Variants in CNOT2 observed in about 807,000 individuals in gnomAD.
The protein encoded by CNOT2 is CCR4-NOT transcription complex subunit 2.
Under a neutral mutation model 72.1 loss-of-function variants are expected in CNOT2, and 7 were observed. The observed-to-expected ratio is 0.10, with a 90% CI of 0.06 to 0.18. The LOEUF is 0.18. Among genes scored for constraint, CNOT2 ranks in the 10% least tolerant of loss-of-function variants. The pLI, the probability that CNOT2 is intolerant of heterozygous loss-of-function variation, is 1.00. For missense variants in CNOT2, 345 were observed against 660.3 expected, an observed-to-expected ratio of 0.52 and a Z score of 5.23; for synonymous variants, 196 against 225.6, an observed-to-expected ratio of 0.87 and a Z score of 1.17.
intron 4 of CNOT2, among the ~76,000 whole-genome samples, chr12:70,328,964 G>A (rs1207400289): frequency 6.6e-6 from 1 of 151,820 alleles, no homozygotes; most frequent in Non-Finnish European, 1.5e-5. Flanking sequence ...TAATTTTAAA[G>A]GATCACATAA....
intron 15 of CNOT2, among the ~76,000 whole-genome samples, chr12:70,348,880 G>C (rs577731282): frequency 1.1e-4 from 17 of 151,534 alleles, no homozygotes; most frequent in Non-Finnish European, 2.1e-4. Flanking sequence ...ACATAATTTA[G>C]CTCAGTTTTA....
At chr12:70,276,148 A>G (rs1868754118) in intron 1 of CNOT2, among the ~76,000 whole-genome samples, 1 of 152,008 alleles carries the variant, frequency 6.6e-6, no homozygotes, top group African/African-American at 2.4e-5. Context: ...CTTCAAAGTG[A>G]ACTTGTATCT....
intron 15 of CNOT2, chr12:70,346,725 A>G (rs1882217625): frequency 6.5e-6 from 1 of 153,698 alleles, no homozygotes; most frequent in African/African-American, 2.4e-5. Context: ...GTTGCAGGAA[A>G]TACATCTGAA....
At chr12:70,335,337 G>A (rs561007259) in intron 7 of CNOT2, 101 bp from the exon 8 acceptor site, 1 of 844,466 alleles carries the variant, frequency 1.2e-6, no homozygotes, top group Non-Finnish European at 1.9e-6. Context: ...CATTATTTAG[G>A]AAGAAGGCGC....
chr12:70,302,088 C>T (rs1874119693), intron 2 of CNOT2, among the ~76,000 whole-genome samples: 1 of 152,082 alleles, frequency 6.6e-6, no homozygotes, highest in Non-Finnish European at 1.5e-5. Flanking sequence ...TTTTTTATTG[C>T]ATCTATTTGA....
chr12:70,346,020 G>A (rs568682935), intron 14 of CNOT2, 160 bp from the exon 15 acceptor site: 16 of 531,632 alleles, frequency 3.0e-5, no homozygotes, highest in South Asian at 6.1e-5. Flanking sequence ...ATTTCAATGC[G>A]GTTGTATTTA....
chr12:70,266,630 G>A (rs145657244), intron 1 of CNOT2, among the ~76,000 whole-genome samples: 151 of 152,278 alleles, frequency 9.9e-4, no homozygotes, highest in African/African-American at 3.6e-3. Flanking sequence ...TGTTGTAAGT[G>A]CGTACACATT....
chr12:70,301,582 A>T (rs1048743586), intron 2 of CNOT2: 21 of 152,110 alleles, frequency 1.4e-4, no homozygotes, highest in African/African-American at 5.1e-4. Flanking sequence ...CCACTTGATC[A>T]TGGTGGATAA....
chr12:70,249,451 A>C (rs548234883), intron 1 of CNOT2, among the ~76,000 whole-genome samples: 2 of 152,020 alleles, frequency 1.3e-5, no homozygotes, highest in Non-Finnish European at 2.9e-5. Context: ...TTTGGTCAAT[A>C]AGAAAATTAG....
intron 4 of CNOT2, among the ~76,000 whole-genome samples, chr12:70,326,846 T>A (rs1012205906): frequency 6.6e-6 from 1 of 151,900 alleles, no homozygotes; most frequent in Non-Finnish European, 1.5e-5. Flanking sequence ...TTGTGAAGAT[T>A]AATTTTAGAA....
Position 70,338,663 on chromosome 12 carries a change from C to T in CNOT2, c.1022-3C>T, listed in dbSNP as rs766770154. ...TAAAAGCAACTGTGTTTTTCCTACCCAGGTCGGGTTACTAACATTCCTCAA... is the reference window on the plus strand; with the variant it reads ...TAAAAGCAACTGTGTTTTTCCTACCTAGGTCGGGTTACTAACATTCCTCAA... On this transcript the variant is annotated splice_region_variant and splice_polypyrimidine_tract_variant and intron_variant, in intron 10 of 15. Coordinates refer to ENST00000229195, the MANE Select transcript of CNOT2 (RefSeq NM_014515.7). The T allele has an allele frequency of 1.2e-6, 2 of 1,609,266 alleles. No individual in the cohort carries two copies. The highest frequency in any genetic ancestry group is 1.7e-6 in the Non-Finnish European group (2 of 1,178,176).
chr12:70,259,384 C>T (rs1222988019), intron 1 of CNOT2, among the ~76,000 whole-genome samples: 2 of 151,966 alleles, frequency 1.3e-5, no homozygotes, highest in South Asian at 2.1e-4. Context: ...AGGAAGTTTA[C>T]ATATAATACA....
chr12:70,289,511 C>G (rs570428745), intron 2 of CNOT2, among the ~76,000 whole-genome samples: 1 of 151,924 alleles, frequency 6.6e-6, no homozygotes, highest in South Asian at 2.1e-4. Context: ...TTTTTTTCAT[C>G]CATTATTTAT....
intron 1 of CNOT2, among the ~76,000 whole-genome samples, chr12:70,255,239 T>C (rs1958375351): frequency 6.6e-6 from 1 of 152,196 alleles, no homozygotes; most frequent in East Asian, 1.9e-4. Context: ...TTCCCATTTT[T>C]GTAACTGTAT....
intron 4 of CNOT2, among the ~76,000 whole-genome samples, chr12:70,319,580 T>C (rs962788062): frequency 6.6e-6 from 1 of 151,806 alleles, no homozygotes; most frequent in African/African-American, 2.4e-5. Flanking sequence ...ATAGCATAGA[T>C]TGAAATTTAT....
chr12:70,286,881 G>A (rs1023904146), intron 2 of CNOT2, among the ~76,000 whole-genome samples: 5 of 151,664 alleles, frequency 3.3e-5, no homozygotes, highest in South Asian at 2.1e-4. Flanking sequence ...TTTCATAAGG[G>A]ACTTAGAAAT....
At chr12:70,310,859 A>C in intron 2 of CNOT2, 36 bp from the exon 3 acceptor site, 1 of 1,593,720 alleles carries the variant, frequency 6.3e-7, no homozygotes. Context: ...CATTTTCCAA[A>C]GTATTACCCC....
At chr12:70,245,714 T>C (rs938780024) in intron 1 of CNOT2, among the ~76,000 whole-genome samples, 5 of 152,152 alleles carry the variant, frequency 3.3e-5, no homozygotes, top group African/African-American at 1.2e-4. Flanking sequence ...TTGTGGCTTA[T>C]CTTCTGATGC....
chr12:70,330,163 A>G (rs1879711278), intron 5 of CNOT2, 124 bp from the exon 6 acceptor site: 7 of 516,102 alleles, frequency 1.4e-5, no homozygotes. Flanking sequence ...AAGAATTAAT[A>G]AAAATTAGAA....
Sources: allele counts gnomAD v4.1 joint callset (sites outside exome capture counted in the v4.1 genomes callset), GRCh38; gene constraint gnomAD v4.1.1; transcripts MANE v1.5; gene names NCBI Gene and HGNC (gene_info 2026-07-23, HGNC 2026-07-21).